Variants in PLXNA4 observed in about 807,000 individuals in gnomAD.
PLXNA4 encodes the protein plexin A4.
In PLXNA4, 44 loss-of-function variants were observed where a neutral mutation model predicts 191.8. The observed-to-expected ratio is 0.23, with a 90% CI of 0.18 to 0.29. PLXNA4 has a LOEUF of 0.29. Ranked by LOEUF, PLXNA4 falls within the 10% of genes least tolerant of loss-of-function variation. The pLI is 1.00. For synonymous variants in PLXNA4, 1,082 were observed against 1,009.5 expected, an observed-to-expected ratio of 1.07 and a Z score of -1.36; for missense variants, 1,800 against 2,488.8, an observed-to-expected ratio of 0.72 and a Z score of 5.89.
At position 132,537,362 on chromosome 7, in the gene PLXNA4, G is replaced by C. The variant is rs533654696; in HGVS notation, c.-86-28583C>G. 7.7e-4 allele frequency among the ~76,000 whole-genome samples: 118 copies of C among 152,334 alleles called. 2 individuals carry two copies. Among genetic ancestry groups the C allele is most frequent in the Non-Finnish European group, 1.4e-3 (97 of 68,046 alleles). ...ACCAAGCACGACAAATGAAAACTTT[G>C]GTGGAATTAACAATCTAATGATAAG... On this transcript the variant is annotated intron_variant, in intron 1 of 31. Coordinates refer to ENST00000321063, the MANE Select transcript of PLXNA4 (RefSeq NM_020911.2).
At chr7:132,139,139 GAGTT>G (rs1321522883) in intron 30 of PLXNA4, among the ~76,000 whole-genome samples, 2 of 152,230 alleles carry the variant, frequency 1.3e-5, no homozygotes, top group South Asian at 4.1e-4. Context: ...TAGGACAAAA[GAGTT>G]AGTTTCCTTT....
chr7:132,132,410 C>A, intron 31 of PLXNA4, among the ~76,000 whole-genome samples: 1 of 39,162 alleles, frequency 2.6e-5, no homozygotes, highest in African/African-American at 1.2e-4. Context: ...CTGTTCTGTT[C>A]TGTTCTGTTC....
intron 18 of PLXNA4, 44 bp from the exon 19 acceptor site, chr7:132,180,776 C>T: frequency 1.3e-6 from 2 of 1,586,890 alleles, no homozygotes; most frequent in Non-Finnish European, 1.7e-6. Context: ...AGAGTGAGGA[C>T]CACAGCTACC....
chr7:132,507,692 C>T lies in PLXNA4; in HGVS notation c.1002G>A (p.Leu334=), dbSNP rs770048181. The part of the protein sequence containing the change: ...RTLGVHPDDD[L]LFTVFSKGQK... ...GGCCCTTGGAGAAGACGGTGAAGAGCAGGTCATCATCTGGATGGACTCCAA... is the reference window on the plus strand; with the variant it reads ...GGCCCTTGGAGAAGACGGTGAAGAGTAGGTCATCATCTGGATGGACTCCAA... The change falls in exon 2 of 32, where the codon CTG becomes CTA. Residue 334 remains leucine (L), a synonymous_variant. Coordinates refer to ENST00000321063, the MANE Select transcript of PLXNA4 (RefSeq NM_020911.2). The T allele has an allele frequency of 1.2e-6, 2 of 1,614,212 alleles. No homozygotes were observed. The highest frequency in any genetic ancestry group is 8.5e-7 in the Non-Finnish European group (1 of 1,180,036).
At chr7:132,629,030 T>G in intron 2 of PLXNA4, among the ~76,000 whole-genome samples, 1 of 152,252 alleles carries the variant, frequency 6.6e-6, no homozygotes, top group East Asian at 1.9e-4. Context: ...TGTCACTGTC[T>G]TTTCTGCTAG....
intron 24 of PLXNA4, among the ~76,000 whole-genome samples, chr7:132,160,420 T>A (rs1795915936): frequency 6.6e-6 from 1 of 152,174 alleles, no homozygotes; most frequent in East Asian, 1.9e-4. Context: ...ATCTTTTTAT[T>A]TTTTTTCCTT....
chr7:132,188,997 AGAGAGAGAGAGAGAGAGAGAG>A lies in PLXNA4; in HGVS notation c.2857-1411_2857-1391del, dbSNP rs1796985572. On this transcript the variant is annotated intron_variant, in intron 14 of 31. Transcript: ENST00000321063. ...AGGAAAGGAAAGGAAAGGAAAGGAG[AGAGAGAGAGAGAGAGAGAGAG>A]AGAGAGAGAGAAAGAGAGAGAGAGA... Among the ~76,000 whole-genome samples the A allele has an allele frequency of 5.5e-4, 25 of 45,764 alleles. 1 individual carries two copies. Among genetic ancestry groups the A allele is most frequent in the South Asian group, 1.6e-3 (1 of 638 alleles). 30.0% of individuals were successfully genotyped at this position (45,764 alleles called of 152,430 possible).
chr7:132,618,630 A>T (rs945809510), intron 2 of PLXNA4, among the ~76,000 whole-genome samples: 8 of 152,212 alleles, frequency 5.3e-5, no homozygotes, highest in Non-Finnish European at 1.0e-4. Flanking sequence ...AGGCCAGACA[A>T]CTGCTTTGGG....
chr7:132,443,522 A>C (rs973532812), intron 3 of PLXNA4, among the ~76,000 whole-genome samples: 1 of 152,134 alleles, frequency 6.6e-6, no homozygotes, highest in Admixed American at 6.5e-5. Context: ...TTCTAGAGTC[A>C]ATTCCAGCTG....
In PLXNA4 at chr7:132,278,760, G is replaced by A. The variant is rs936283604; in HGVS notation, c.1503+19331C>T. Among the ~76,000 whole-genome samples, 4 of 152,226 alleles carry A rather than the reference G, an allele frequency of 2.6e-5. No individual in the cohort carries two copies. In the East Asian group the frequency reaches 7.7e-4, roughly 29 times the overall value. On this transcript the variant is annotated intron_variant, in intron 4 of 31. Coordinates refer to ENST00000321063, the MANE Select transcript of PLXNA4 (RefSeq NM_020911.2). ...AGTTTTTTCCCCTTCGGTGCACACA[G>A]TGAATGCAGCAGAATCTGGTATTTG...
chr7:132,140,226 T>C (rs1795227375), intron 30 of PLXNA4, among the ~76,000 whole-genome samples: 2 of 152,200 alleles, frequency 1.3e-5, no homozygotes, highest in Admixed American at 1.3e-4. Context: ...TCTGCAGCAA[T>C]GATGTAGTTT....
At chr7:132,562,941 T>TCCTCCTCCTCC (rs1801327096) in intron 1 of PLXNA4, among the ~76,000 whole-genome samples, 2 of 16,144 alleles carry the variant, frequency 1.2e-4, no homozygotes, top group Non-Finnish European at 1.2e-4. Flanking sequence ...CCTCCTCCTC[T>TCCTCCTCCTCC]CCCTCCTCCT....
intron 2 of PLXNA4, among the ~76,000 whole-genome samples, chr7:132,591,895 A>G (rs1033172531): frequency 2.0e-5 from 3 of 152,118 alleles, no homozygotes; most frequent in Admixed American, 6.5e-5. Context: ...GCTGCATCCT[A>G]CAAGCAGTTC....
intron 21 of PLXNA4, among the ~76,000 whole-genome samples, chr7:132,174,342 C>T (rs1040754197): frequency 7.2e-5 from 11 of 152,172 alleles, no homozygotes; most frequent in African/African-American, 2.2e-4. Context: ...CCCAACACAT[C>T]GTTTACCTTT....
rs949555089 is a variant in PLXNA4, at chr7:132,383,760, G to T, written c.1372-85538C>A. On this transcript the variant is annotated intron_variant, in intron 3 of 31. Coordinates refer to ENST00000321063, the MANE Select transcript of PLXNA4 (RefSeq NM_020911.2). ...ATTACCCTTGAAACAAATTAGAATT[G>T]ATTCTTTAAAAAATTGTCACCAGTT... is the stretch of plus-strand genomic sequence containing the variant. 28 of 984,540 alleles carry T rather than the reference G, an allele frequency of 2.8e-5. No individual in the cohort carries two copies. The African/African-American group carries it at 4.9e-4, about 17-fold the overall frequency. 61.0% of individuals were successfully genotyped at this position (984,540 alleles called of 1,614,324 possible).
rs149256795 is a variant in PLXNA4 at position 132,294,247 on chromosome 7, C to A, written c.1503+3844G>T. On this transcript the variant is annotated intron_variant, in intron 4 of 31. Coordinates refer to ENST00000321063, the MANE Select transcript of PLXNA4 (RefSeq NM_020911.2). Reference sequence around the variant, plus strand: ...GGATAGAATTCCAGGCAAAGGGGAACAACCAGGACAAAGATCCTGAAGCAG... The same window carrying A: ...GGATAGAATTCCAGGCAAAGGGGAAAAACCAGGACAAAGATCCTGAAGCAG... Among the ~76,000 whole-genome samples the A allele has an allele frequency of 2.4e-3, 365 of 152,296 alleles. 1 individual carries two copies. Among genetic ancestry groups the A allele is most frequent in the Non-Finnish European group, 4.1e-3 (278 of 68,036 alleles).
intron 1 of PLXNA4, among the ~76,000 whole-genome samples, chr7:132,573,926 A>G (rs2162282): frequency 0.98 from 149,908 of 152,264 alleles, 73,835 homozygotes; most frequent in East Asian, 1. Context: ...GAAAGACCTC[A>G]GAGAACTTAA....
intron 3 of PLXNA4, among the ~76,000 whole-genome samples, chr7:132,349,579 A>G (rs1365154768): frequency 1.3e-5 from 2 of 152,208 alleles, no homozygotes; most frequent in East Asian, 3.9e-4. Context: ...ATAAATTCCC[A>G]TTCCAATGTT....
At chr7:132,595,045 A>G (rs1802683335) in intron 2 of PLXNA4, among the ~76,000 whole-genome samples, 1 of 149,736 alleles carries the variant, frequency 6.7e-6, no homozygotes, top group African/African-American at 2.5e-5. Context: ...AGACAGACAG[A>G]TAGATAGAGA....
Sources: allele counts gnomAD v4.1 joint callset (sites outside exome capture counted in the v4.1 genomes callset), GRCh38; gene constraint gnomAD v4.1.1; transcripts MANE v1.5; gene names NCBI Gene and HGNC (gene_info 2026-07-23, HGNC 2026-07-21).